The following WDR6 variants were observed in gnomAD, a reference collection of about 807,000 sequenced individuals.
WDR6 encodes the protein WD repeat domain 6.
WDR6 carries 58 observed loss-of-function variants against 85.6 expected under a neutral mutation model. That is an observed-to-expected ratio of 0.68 (90% CI 0.55 to 0.84). WDR6 has a LOEUF of 0.84. Among genes scored for constraint, WDR6 ranks in the 40% least tolerant of loss-of-function variants. The pLI, the probability that WDR6 is intolerant of heterozygous loss-of-function variation, is 0.00. For synonymous variants in WDR6, 569 were observed against 582.2 expected, an observed-to-expected ratio of 0.98 and a Z score of 0.33; for missense variants, 1,310 against 1,476.4, an observed-to-expected ratio of 0.89 and a Z score of 1.85.
intron 1 of WDR6, chr3:49,011,047 AC>A (rs753656205): frequency 1.8e-4 from 81 of 438,522 alleles, no homozygotes; most frequent in Non-Finnish European, 3.0e-4. Context: ...TGAGGGAAGC[AC>A]AAAGTCAGCA....
rs1559896683 is a variant in WDR6 at position 49,012,724 on chromosome 3, AGGCAGCTCCT to A, written c.1193_1202del (p.Ala398ValfsTer41). The A allele has an allele frequency of 1.2e-6, 2 of 1,613,954 alleles. No individual in the cohort carries two copies. The highest frequency in any genetic ancestry group is 8.5e-7 in the Non-Finnish European group (1 of 1,180,002). ...CATTTCCAGTCCTACTGCCTGCTGG[AGGCAGCTCCT>A]GGTCCCGAGGGCTTCGGATTGTGTG... is the stretch of plus-strand genomic sequence containing the variant. On this transcript the variant is annotated frameshift_variant, in exon 2 of 6. Coordinates refer to ENST00000608424, the MANE Select transcript of WDR6 (RefSeq NM_018031.6). LOFTEE classifies it high-confidence loss of function. The surrounding 1 kb of genome is among the most constrained non-coding windows in gnomAD (Gnocchi z 4.4).
chr3:49,009,481 C>CT (rs1448183234), intron 1 of WDR6, among the ~76,000 whole-genome samples: 1 of 152,038 alleles, frequency 6.6e-6, no homozygotes, highest in Non-Finnish European at 1.5e-5. Flanking sequence ...TCAATCTTGC[C>CT]TCGATTGACC....
Position 49,007,768 on chromosome 3 carries a change from G to T in WDR6, c.100+237G>T, listed in dbSNP as rs1249208777. ...CGCGGCGCTTCATAAACTTCAGCCC[G>T]CGTGGAAAGGGCGGGTGGAACCGCG... On this transcript the variant is annotated intron_variant, in intron 1 of 5. Transcript: ENST00000608424. The surrounding 1 kb of genome is among the most constrained non-coding windows in gnomAD (Gnocchi z 5.1). 8.6e-7 allele frequency: 1 copy of T among 1,156,170 alleles called. No homozygotes were observed. The highest frequency in any genetic ancestry group is 3.3e-5 in the East Asian group (1 of 30,132). The allele number at this position is 1,156,170 out of a possible 1,614,324, so 71.6% of individuals were successfully genotyped here.
In WDR6 at chr3:49,012,663, G is replaced by A. The variant is rs1040689236; in HGVS notation, c.1129G>A (p.Glu377Lys). ...DTGALYLYDV[E>K]VKCWEQLLED... ...AGGGGCCCTGTATCTCTATGACGTC[G>A]AGGTCAAGTGCTGGGAGCAGCTGCT... The change falls in exon 2 of 6, where the codon GAG becomes AAG. Residue 377 changes from glutamate to lysine, a missense_variant. By Grantham distance (56) the Glu-to-Lys change is moderately conservative. Coordinates refer to ENST00000608424, the MANE Select transcript of WDR6 (RefSeq NM_018031.6). This position sits in a 1 kb window ranked among gnomAD's most constrained non-coding sequence, Gnocchi z 4.4. 5.6e-6 allele frequency: 9 copies of A among 1,613,992 alleles called. No homozygotes were observed. The highest frequency in any genetic ancestry group is 1.7e-5 in the Admixed American group (1 of 60,010).
Position 49,015,190 on chromosome 3 carries a change from G to C in WDR6, c.3268G>C (p.Asp1090His). 3.1e-6 allele frequency: 5 copies of C among 1,613,868 alleles called. No individual in the cohort carries two copies. Among genetic ancestry groups the C allele is most frequent in the Non-Finnish European group, 4.2e-6 (5 of 1,180,026 alleles). Residue 1090 changes from aspartate (D) to histidine (H), a missense_variant, in exon 6 of 6, where the codon GAT becomes CAT. Coordinates refer to ENST00000608424, the MANE Select transcript of WDR6 (RefSeq NM_018031.6). ...FMNSTVFHVP[D>H]VADMDCWPVS... ...GAATAGCACTGTGTTCCATGTGCCT[G>C]ATGTGGCTGACATGGACTGCTGGCC...
At chr3:49,010,270 G>A (rs2093007357) in intron 1 of WDR6, among the ~76,000 whole-genome samples, 1 of 151,796 alleles carries the variant, frequency 6.6e-6, no homozygotes, top group African/African-American at 2.4e-5. Flanking sequence ...GCCGGGCATG[G>A]TGGCGGATGC....
At position 49,007,514 on chromosome 3, in the gene WDR6, G is replaced by T; in HGVS notation, c.83G>T (p.Gly28Val). Residue 28 changes from glycine (G) to valine (V), a missense_variant, in exon 1 of 6, where the codon GGG (glycine) becomes GTG (valine). Coordinates refer to ENST00000608424, the MANE Select transcript of WDR6 (RefSeq NM_018031.6). This position sits in a 1 kb window ranked among gnomAD's most constrained non-coding sequence, Gnocchi z 5.1. ...CCAGTGACGGGTCTGGAGTGCGTGG[G>T]GGACCGGCTGTTGGCGGGTGAGGCT... The part of the protein sequence containing the change: ...LLPVTGLECV[G>V]DRLLAGEGPD... 6.3e-7 allele frequency: 1 copy of T among 1,598,150 alleles called. No homozygotes were observed. The highest frequency in any genetic ancestry group is 1.1e-5 in the South Asian group (1 of 90,530).
Position 49,008,063 on chromosome 3 carries a change from G to A in WDR6, c.100+532G>A, listed in dbSNP as rs543768899. ...GGCGGGATGAGTCTCTTCCCCCTAAGGTGGGGGTGAAGATCCTCTGAGGAG... is the reference window on the plus strand; with the variant it reads ...GGCGGGATGAGTCTCTTCCCCCTAAAGTGGGGGTGAAGATCCTCTGAGGAG... On this transcript the variant is annotated intron_variant, in intron 1 of 5. Coordinates refer to ENST00000608424, the MANE Select transcript of WDR6 (RefSeq NM_018031.6). 3 of 152,874 alleles carry A rather than the reference G, an allele frequency of 2.0e-5. 1 individual carries two copies. In the South Asian group the frequency reaches 5.9e-4, roughly 30 times the overall value. The allele number at this position is 152,874 out of a possible 1,614,324, so 9.5% of individuals were successfully genotyped here. A position where few individuals can be genotyped will look rare whatever the true frequency, so the allele number is the denominator to read the frequency against.
rs758468264 is a variant in WDR6 at position 49,013,137 on chromosome 3, C to G, written c.1603C>G (p.Arg535Gly). ...GGACCCTGGGGTGGGAGGCAAGGCT[C>G]GGGCTGGTGCTGGGGCACCTGTAGT... ...LKDPGVGGKA[R>G]AGAGAPVVGS... Residue 535 changes from arginine to glycine, a missense_variant, in exon 2 of 6, where the codon CGG (arginine) becomes GGG (glycine). Arg to Gly is a moderately radical substitution (Grantham distance 125, BLOSUM62 -2). Transcript: ENST00000608424. The surrounding 1 kb of genome is among the most constrained non-coding windows in gnomAD (Gnocchi z 4.6). 1 of 1,607,870 alleles carries G rather than the reference C, an allele frequency of 6.2e-7. No homozygotes were observed. Among genetic ancestry groups the G allele is most frequent in the Non-Finnish European group, 8.5e-7 (1 of 1,175,988 alleles).
At position 49,013,303 on chromosome 3, in the gene WDR6, C is replaced by T; in HGVS notation, c.1769C>T (p.Ala590Val). 6.2e-7 allele frequency: 1 copy of T among 1,614,112 alleles called. No homozygotes were observed. Among genetic ancestry groups the T allele is most frequent in the East Asian group, 2.2e-5 (1 of 44,882 alleles). Reference sequence around the variant, plus strand: ...GTGTATACCACAGGGCGTGATGGAGCCTACTACCAGCTGTTTGTACGAGAC... The same window carrying T: ...GTGTATACCACAGGGCGTGATGGAGTCTACTACCAGCTGTTTGTACGAGAC... The part of the protein sequence containing the change: ...GYVYTTGRDG[A>V]YYQLFVRDGQ... The change falls in exon 2 of 6, where the codon GCC becomes GTC. Residue 590 changes from alanine (A) to valine (V), a missense_variant. Ala to Val is a moderately conservative substitution (Grantham distance 64). Coordinates refer to ENST00000608424, the MANE Select transcript of WDR6 (RefSeq NM_018031.6). This position sits in a 1 kb window ranked among gnomAD's most constrained non-coding sequence, Gnocchi z 4.6.
rs769023381 is a variant in WDR6, at chr3:49,013,302, G to T, written c.1768G>T (p.Ala590Ser). The change falls in exon 2 of 6, where the codon GCC becomes TCC. Residue 590 changes from alanine (A) to serine (S), a missense_variant. Coordinates refer to ENST00000608424, the MANE Select transcript of WDR6 (RefSeq NM_018031.6). This position sits in a 1 kb window ranked among gnomAD's most constrained non-coding sequence, Gnocchi z 4.6. The stretch of plus-strand genomic sequence containing the variant: ...TGTGTATACCACAGGGCGTGATGGA[G>T]CCTACTACCAGCTGTTTGTACGAGA... ...GYVYTTGRDG[A>S]YYQLFVRDGQ... 1 of 1,614,160 alleles carries T rather than the reference G, an allele frequency of 6.2e-7. No homozygotes were observed. The highest frequency in any genetic ancestry group is 1.1e-5 in the South Asian group (1 of 91,086).
At position 49,014,406 on chromosome 3, in the gene WDR6, G is replaced by A. The variant is rs752836435; in HGVS notation, c.2690G>A (p.Gly897Glu). 7 of 1,614,098 alleles carry A rather than the reference G, an allele frequency of 4.3e-6. No individual in the cohort carries two copies. The highest frequency in any genetic ancestry group is 2.2e-5 in the South Asian group (2 of 91,082). Reference protein sequence around the residue: ...AVRLFLLQDSGRILQLLAETF... With the variant: ...AVRLFLLQDSERILQLLAETF... Reference sequence around the variant, plus strand: ...AGGCTCTTTCTTTTGCAGGATTCTGGGCGGATTCTGCAGCTCCTTGCTGAA... The same window carrying A: ...AGGCTCTTTCTTTTGCAGGATTCTGAGCGGATTCTGCAGCTCCTTGCTGAA... The change falls in exon 4 of 6, where the codon GGG becomes GAG. Residue 897 changes from glycine to glutamate, a missense_variant. Gly to Glu is a moderately conservative substitution (Grantham distance 98). Coordinates refer to ENST00000608424, the MANE Select transcript of WDR6 (RefSeq NM_018031.6). This position sits in a 1 kb window ranked among gnomAD's most constrained non-coding sequence, Gnocchi z 4.9.
intron 1 of WDR6, 188 bp from the exon 2 acceptor site, chr3:49,011,447 C>T: frequency 6.4e-7 from 1 of 1,569,138 alleles, no homozygotes; most frequent in Non-Finnish European, 8.6e-7. Context: ...TCCAAAGTGC[C>T]CAGATTACAG....
In WDR6 at chr3:49,013,741, G is replaced by C. The variant is rs571569795; in HGVS notation, c.2207G>C (p.Gly736Ala). ...GATGACCTGGAGCCTGGCAGTGAGGGGCCCGACTTGACTGACATTGTGATC... is the reference window on the plus strand; with the variant it reads ...GATGACCTGGAGCCTGGCAGTGAGGCGCCCGACTTGACTGACATTGTGATC... Reference protein sequence around the residue: ...QPDDLEPGSEGPDLTDIVITC... With the variant: ...QPDDLEPGSEAPDLTDIVITC... The change falls in exon 2 of 6, where the codon GGG becomes GCG. Residue 736 changes from glycine (G) to alanine (A), a missense_variant. Transcript: ENST00000608424. The surrounding 1 kb of genome is among the most constrained non-coding windows in gnomAD (Gnocchi z 4.6). The C allele has an allele frequency of 1.2e-5, 19 of 1,613,930 alleles. No homozygotes were observed. Among genetic ancestry groups the C allele is most frequent in the Non-Finnish European group, 1.6e-5 (19 of 1,179,952 alleles).
rs2093055240 is a variant in WDR6, at chr3:49,015,756, T to C, written c.*468T>C. 6.2e-7 allele frequency: 1 copy of C among 1,614,056 alleles called. No individual in the cohort carries two copies. Among genetic ancestry groups the C allele is most frequent in the Middle Eastern group, 1.6e-4 (1 of 6,062 alleles). ...TCTCATCCTCTGCTTCCTTTGCCTT[T>C]ACCCTATACCTCTCTGCACGTCCCA... On this transcript the variant is annotated 3_prime_UTR_variant, in exon 6 of 6. Transcript: ENST00000608424.
intron 1 of WDR6, 34 bp from the exon 2 acceptor site, chr3:49,011,601 C>T (rs772479019): frequency 6.2e-7 from 1 of 1,611,866 alleles, no homozygotes; most frequent in African/African-American, 1.3e-5. Flanking sequence ...GAGTTAGGTA[C>T]CTAGCTCTGA....
In WDR6 at chr3:49,011,798, A is replaced by C. The variant is rs750916683; in HGVS notation, c.264A>C (p.Gly88=). 1 of 1,614,170 alleles carries C rather than the reference A, an allele frequency of 6.2e-7. No individual in the cohort carries two copies. Among genetic ancestry groups the C allele is most frequent in the Non-Finnish European group, 8.5e-7 (1 of 1,180,030 alleles). ...LDLEAMVAVF[G]SKGLRVVKIS... is the part of the protein sequence containing the mutation. ...TGGAGGCCATGGTGGCTGTGTTTGG[A>C]AGCAAGGGACTCCGAGTTGTGAAAA... The change falls in exon 2 of 6, where the codon GGA becomes GGC. Residue 88 remains glycine, a synonymous_variant. Coordinates refer to ENST00000608424, the MANE Select transcript of WDR6 (RefSeq NM_018031.6).
At position 49,014,725 on chromosome 3, in the gene WDR6, A is replaced by C; in HGVS notation, c.2902+7A>C. ...GATCCTGGGCTTCCCTACCGTGAGT[A>C]GCTAATGTGCAACCATGGCTACCCC... On this transcript the variant is annotated splice_region_variant and intron_variant, in intron 5 of 5. Coordinates refer to ENST00000608424, the MANE Select transcript of WDR6 (RefSeq NM_018031.6). This position sits in a 1 kb window ranked among gnomAD's most constrained non-coding sequence, Gnocchi z 4.9. The C allele has an allele frequency of 6.2e-7, 1 of 1,613,010 alleles. No individual in the cohort carries two copies. Among genetic ancestry groups the C allele is most frequent in the Non-Finnish European group, 8.5e-7 (1 of 1,179,658 alleles).
chr3:49,009,643 C>T (rs999645044), intron 1 of WDR6, among the ~76,000 whole-genome samples: 1 of 152,092 alleles, frequency 6.6e-6, no homozygotes, highest in African/African-American at 2.4e-5. Flanking sequence ...GGAAAGTTGC[C>T]CCCTGTGGAG....
Sources: gnomAD v4.1 joint callset for allele counts (sites outside exome capture counted in the v4.1 genomes callset) on GRCh38, gnomAD v4.1.1 for gene constraint, Gnocchi (gnomAD v3.1) non-coding constraint, MANE v1.5 for transcripts, NCBI Gene and HGNC (gene_info 2026-07-23, HGNC 2026-07-21) for gene names.